COL25A1: variants seen among roughly 807,000 people sequenced by gnomAD.
COL25A1 encodes collagen type XXV alpha 1 chain, also known as collagen alpha-1(XXV) chain.
In COL25A1, 103 loss-of-function variants were observed where a neutral mutation model predicts 128.4. The observed-to-expected ratio is 0.80, with a 90% CI of 0.68 to 0.94. COL25A1 has a LOEUF of 0.94. Ranked by LOEUF, COL25A1 falls within the 40% of genes least tolerant of loss-of-function variation. The pLI, the probability that COL25A1 is intolerant of heterozygous loss-of-function variation, is 0.00. For synonymous variants in COL25A1, 279 were observed against 277.2 expected (o/e 1.01, Z -0.06); for missense variants, 745 against 840.0 (o/e 0.89, Z 1.40).
At chr4:109,010,316 A>G (rs750397229) in intron 6 of COL25A1, 42 bp downstream of exon 6, 2 of 1,520,358 alleles carry the variant, frequency 1.3e-6, no homozygotes, top group South Asian at 2.4e-5. Context: ...CACTGGGAAA[A>G]TCCTAAATTG....
chr4:109,144,197 C>A (rs928655065), intron 3 of COL25A1, among the ~76,000 whole-genome samples: 3 of 152,174 alleles, frequency 2.0e-5, no homozygotes, highest in Non-Finnish European at 4.4e-5. Flanking sequence ...CATTCCCAAC[C>A]CTGTTTGCCC....
intron 3 of COL25A1, among the ~76,000 whole-genome samples, chr4:109,279,130 A>G (rs1222824760): frequency 1.3e-5 from 2 of 152,092 alleles, no homozygotes; most frequent in Non-Finnish European, 2.9e-5. Flanking sequence ...ATGGGGGAAG[A>G]CACAGACACC....
chr4:109,037,585 T>C (rs908494243), intron 5 of COL25A1, among the ~76,000 whole-genome samples: 2 of 152,236 alleles, frequency 1.3e-5, no homozygotes, highest in African/African-American at 2.4e-5. Flanking sequence ...CATTCTCGCA[T>C]GTGCGGCAGA....
chr4:108,834,002 C>G (rs1733474338), intron 31 of COL25A1, among the ~76,000 whole-genome samples: 1 of 152,176 alleles, frequency 6.6e-6, no homozygotes, highest in African/African-American at 2.4e-5. Flanking sequence ...GAGGGCCGCT[C>G]TCATGGAATT....
chr4:109,121,723 A>G (rs1199675575), intron 3 of COL25A1, among the ~76,000 whole-genome samples: 1 of 152,134 alleles, frequency 6.6e-6, no homozygotes, highest in Non-Finnish European at 1.5e-5. Flanking sequence ...GCAGTTTCTT[A>G]CAAAATGAAA....
chr4:109,295,933 A>C (rs1316170979), intron 3 of COL25A1, among the ~76,000 whole-genome samples: 1 of 152,042 alleles, frequency 6.6e-6, no homozygotes, highest in Admixed American at 6.6e-5. Context: ...TAAACTCTCC[A>C]AGCAAATGAC....
chr4:109,097,455 C>A (rs1198252215), intron 3 of COL25A1, among the ~76,000 whole-genome samples: 17 of 133,834 alleles, frequency 1.3e-4, no homozygotes, highest in Non-Finnish European at 2.2e-4. Context: ...AAAAAAAAAA[C>A]CACAAAAATT....
At chr4:108,921,194 T>C (rs1745454211) in intron 11 of COL25A1, among the ~76,000 whole-genome samples, 1 of 152,216 alleles carries the variant, frequency 6.6e-6, no homozygotes, top group African/African-American at 2.4e-5. Flanking sequence ...GAACAAAAGA[T>C]GCTGTCAATT....
chr4:109,199,500 T>G (rs772407196), intron 3 of COL25A1, among the ~76,000 whole-genome samples: 14 of 152,182 alleles, frequency 9.2e-5, no homozygotes, highest in Non-Finnish European at 1.6e-4. Context: ...AGATCTATAT[T>G]TAATCTTATT....
At chr4:109,207,289 T>C (rs1228080648) in intron 3 of COL25A1, among the ~76,000 whole-genome samples, 1 of 152,102 alleles carries the variant, frequency 6.6e-6, no homozygotes, top group Non-Finnish European at 1.5e-5. Context: ...AGTCAAAGCA[T>C]CCCATATCAG....
At chr4:109,300,733 T>C (rs930373688) in intron 2 of COL25A1, 81 bp from the exon 3 acceptor site, 4 of 927,226 alleles carry the variant, frequency 4.3e-6, no homozygotes, top group Non-Finnish European at 7.0e-6. Context: ...GCCATACGCC[T>C]GATTTACCGG....
chr4:108,877,868 A>G (rs1399128293), intron 19 of COL25A1, among the ~76,000 whole-genome samples: 3 of 152,356 alleles, frequency 2.0e-5, no homozygotes, highest in Non-Finnish European at 4.4e-5. Flanking sequence ...ACTTTTCTTC[A>G]AACACATATG....
intron 3 of COL25A1, among the ~76,000 whole-genome samples, chr4:109,148,407 C>A (rs1159516762): frequency 1.3e-5 from 2 of 152,168 alleles, no homozygotes; most frequent in African/African-American, 4.8e-5. Context: ...CCTGTTCTTA[C>A]CTTTACAAAG....
intron 3 of COL25A1, among the ~76,000 whole-genome samples, chr4:109,249,264 T>C (rs1004138691): frequency 2.6e-5 from 4 of 152,210 alleles, no homozygotes; most frequent in African/African-American, 9.6e-5. Flanking sequence ...ATTCCTTATA[T>C]GCGTCATCTC....
chr4:108,846,217 TCC>T lies in COL25A1; in HGVS notation c.1435_1436del (p.Gly479ThrfsTer16). The T allele has an allele frequency of 6.2e-7, 1 of 1,606,110 alleles. No homozygotes were observed. Among genetic ancestry groups the T allele is most frequent in the African/African-American group, 1.3e-5 (1 of 74,852 alleles). On this transcript the variant is annotated frameshift_variant and splice_region_variant, in exon 28 of 38. Transcript: ENST00000399132. LOFTEE classifies it high-confidence loss of function. ...CCATGTCTCCCTTTGAGCCTTTGAG[TCC>T]CTAAAAATGATAGACAAGGTTGGCA... ...PGIPGMDGEQ[G>X]LKGSKGDMGD... is the part of the protein sequence containing the mutation.
At chr4:109,084,845 T>C (rs10024085) in intron 3 of COL25A1, among the ~76,000 whole-genome samples, 35,053 of 152,106 alleles carry the variant, frequency 0.23, 5,206 homozygotes, top group African/African-American at 0.4. Flanking sequence ...ATATACTGTC[T>C]AGTACTCCTT....
intron 13 of COL25A1, 31 bp downstream of exon 13, chr4:108,918,140 AT>A (rs1431116594): frequency 1.4e-6 from 2 of 1,446,072 alleles, no homozygotes; most frequent in Non-Finnish European, 9.4e-7. Context: ...TCACCAAATT[AT>A]TTTTAAAATA....
intron 19 of COL25A1, among the ~76,000 whole-genome samples, chr4:108,872,621 C>T (rs1420681755): frequency 6.6e-6 from 1 of 152,002 alleles, no homozygotes; most frequent in African/African-American, 2.4e-5. Flanking sequence ...AAACAACAAA[C>T]TGAATGCAGA....
At chr4:109,125,087 C>T (rs1768463975) in intron 3 of COL25A1, among the ~76,000 whole-genome samples, 1 of 151,998 alleles carries the variant, frequency 6.6e-6, no homozygotes. Context: ...TTTTATTCCA[C>T]CTAAAAAGAC....
Sources: allele counts gnomAD v4.1 joint callset (sites outside exome capture counted in the v4.1 genomes callset), GRCh38; gene constraint gnomAD v4.1.1; transcripts MANE v1.5; gene names NCBI Gene and HGNC (gene_info 2026-07-23, HGNC 2026-07-21).